Variants in USP6 observed in about 807,000 individuals in gnomAD.
USP6 encodes ubiquitin specific peptidase 6.
A neutral mutation model predicts 175.7 loss-of-function variants in USP6; 128 were observed. The ratio of observed to expected loss-of-function variants is 0.73; its 90% CI spans 0.63 to 0.84. The LOEUF (loss-of-function observed/expected upper bound fraction) is 0.84, where lower values mean the gene tolerates loss of function less well. Among genes scored for constraint, USP6 ranks in the 40% least tolerant of loss-of-function variants. USP6 has a pLI of 0.00. For synonymous variants in USP6, 562 were observed against 630.6 expected (o/e 0.89, Z 1.63); for missense variants, 1,498 against 1,760.3 (o/e 0.85, Z 2.67).
At chr17:5,150,226 A>C (rs1189097283) in intron 30 of USP6, among the ~76,000 whole-genome samples, 1 of 151,802 alleles carries the variant, frequency 6.6e-6, no homozygotes, top group Non-Finnish European at 1.5e-5. Context: ...TGGGAGGTGG[A>C]GGTTGCTGTG....
Position 5,141,484 on chromosome 17 carries a change from AT to A in USP6, c.1559del (p.Ile520LysfsTer15). 5 of 1,600,532 alleles carry A rather than the reference AT, an allele frequency of 3.1e-6. No individual in the cohort carries two copies. Among genetic ancestry groups the A allele is most frequent in the Non-Finnish European group, 4.3e-6 (5 of 1,175,778 alleles). On this transcript the variant is annotated frameshift_variant, in exon 23 of 38. Coordinates refer to ENST00000574788, the MANE Select transcript of USP6 (RefSeq NM_001304284.2). LOFTEE classifies it high-confidence loss of function. ...GTCTTTTACAGCAAATAGTAGTAAAATAGATAGACAAAAGGGTAAGTCTCCA... is the reference window on the plus strand; with the variant it reads ...GTCTTTTACAGCAAATAGTAGTAAAAAGATAGACAAAAGGGTAAGTCTCCA... The part of the protein sequence containing the change: ...EMSFTANSSK[I>X]DRQKVPTEKG...
Position 5,173,585 on chromosome 17 carries a change from G to C in USP6, c.*607G>C, listed in dbSNP as rs918470730. ...TACGTTTGAGACACAACCAGTCATT[G>C]GTGGCAGGGGCATAGAGTGGTCAGT... On this transcript the variant is annotated 3_prime_UTR_variant, in exon 38 of 38. Transcript: ENST00000574788. 1.4e-5 allele frequency: 3 copies of C among 219,256 alleles called. No individual in the cohort carries two copies. The highest frequency in any genetic ancestry group is 2.8e-5 in the Non-Finnish European group (3 of 109,038). 13.6% of individuals were successfully genotyped at this position (219,256 alleles called of 1,614,324 possible).
At chr17:5,138,057 A>G (rs2073314394) in intron 20 of USP6, 64 bp from the exon 21 acceptor site, 1 of 1,612,514 alleles carries the variant, frequency 6.2e-7, no homozygotes. Flanking sequence ...TGAAGTGGCC[A>G]CAGGGTATGA....
intron 2 of USP6, among the ~76,000 whole-genome samples, chr17:5,119,447 C>A (rs1312011315): frequency 6.6e-6 from 1 of 152,194 alleles, no homozygotes; most frequent in Non-Finnish European, 1.5e-5. Flanking sequence ...TCTTCAGCCC[C>A]CACTAAAGTG....
At chr17:5,150,323 T>TAAATAAAC (rs2073732902) in intron 30 of USP6, among the ~76,000 whole-genome samples, 1 of 149,026 alleles carries the variant, frequency 6.7e-6, no homozygotes, top group Admixed American at 6.7e-5. Context: ...AATAAATAAA[T>TAAATAAAC]AAATAAATAA....
At chr17:5,139,159 C>A in intron 21 of USP6, 96 bp from the exon 22 acceptor site, 1 of 1,598,098 alleles carries the variant, frequency 6.3e-7, no homozygotes, top group East Asian at 2.2e-5. Context: ...CACACAGAGA[C>A]CCCAAGGACT....
intron 21 of USP6, 134 bp downstream of exon 21, chr17:5,138,407 T>C: frequency 6.6e-7 from 1 of 1,504,260 alleles, no homozygotes; most frequent in Non-Finnish European, 8.9e-7. Context: ...TCCTGGACTC[T>C]AAGAAAGTAC....
chr17:5,170,112 T>C (rs2074180992), intron 35 of USP6, among the ~76,000 whole-genome samples: 2 of 151,588 alleles, frequency 1.3e-5, no homozygotes, highest in African/African-American at 4.9e-5. Context: ...ACTCAGTAAA[T>C]GGTGGTCACA....
Position 5,118,248 on chromosome 17 carries a change from T to G in USP6, c.-1879T>G, listed in dbSNP as rs531711946. The G allele has an allele frequency of 9.2e-5, 14 of 152,648 alleles. No individual in the cohort carries two copies. Among genetic ancestry groups the G allele is most frequent in the African/African-American group, 3.4e-4 (14 of 41,586 alleles). The allele number at this position is 152,648 out of a possible 1,614,324, so 9.5% of individuals were successfully genotyped here. A position where few individuals can be genotyped will look rare whatever the true frequency, so the allele number is the denominator to read the frequency against. The stretch of plus-strand genomic sequence containing the variant: ...TGGGACTCAAGACAGGGGTGCCCTG[T>G]TTACTCAGCCCACTGTGCTCAACCT... On this transcript the variant is annotated 5_prime_UTR_variant, in exon 2 of 38. Transcript: ENST00000574788.
intron 33 of USP6, among the ~76,000 whole-genome samples, chr17:5,167,330 G>A (rs150038061): frequency 1.3e-3 from 196 of 152,298 alleles, no homozygotes; most frequent in African/African-American, 4.5e-3. Context: ...ACCCCTTATA[G>A]GATTCCAAAG....
rs149140799 is a variant in USP6 at position 5,141,448 on chromosome 17, C to T, written c.1522C>T (p.Pro508Ser). ...GEVHNKDMSW[P>S]EEMSFTANSS... ...AGTTCACAACAAAGATATGAGTTGGCCTGAGGAGATGTCTTTTACAGCAAA... is the reference window on the plus strand; with the variant it reads ...AGTTCACAACAAAGATATGAGTTGGTCTGAGGAGATGTCTTTTACAGCAAA... Residue 508 changes from proline (P) to serine (S), a missense_variant, in exon 23 of 38, where the codon CCT becomes TCT. Physicochemically the swap from Pro to Ser is moderately conservative, Grantham distance 74. Around this residue, in one of 2 missense-constraint regions of USP6, gnomAD observed 1,217 missense variants for 1,500.8 expected, o/e 0.81. Transcript: ENST00000574788. The T allele has an allele frequency of 3.1e-6, 5 of 1,608,800 alleles. No individual in the cohort carries two copies. Among genetic ancestry groups the T allele is most frequent in the Admixed American group, 1.7e-5 (1 of 59,330 alleles).
intron 33 of USP6, among the ~76,000 whole-genome samples, chr17:5,164,251 C>A (rs1310759175): frequency 6.6e-6 from 1 of 152,178 alleles, no homozygotes; most frequent in South Asian, 2.1e-4. Context: ...CAATTCTAGA[C>A]CTAGTTTCCT....
intron 33 of USP6, among the ~76,000 whole-genome samples, chr17:5,163,853 G>T (rs184728666): frequency 6.6e-6 from 1 of 152,014 alleles, no homozygotes; most frequent in African/African-American, 2.4e-5. Context: ...TTCCATTTTG[G>T]GTACCTAAGA....
chr17:5,172,062 C>T (rs990123958), intron 37 of USP6, among the ~76,000 whole-genome samples: 37 of 151,994 alleles, frequency 2.4e-4, no homozygotes, highest in African/African-American at 8.9e-4. Context: ...GTAATCCCAG[C>T]TACTCGGGAG....
intron 26 of USP6, 22 bp downstream of exon 26, chr17:5,144,885 A>G (rs1332410530): frequency 1.9e-6 from 3 of 1,576,666 alleles, no homozygotes; most frequent in East Asian, 4.5e-5. Context: ...TTGAGTTTCT[A>G]ATGTAAGCAA....
At chr17:5,146,234 A>G in intron 28 of USP6, 60 bp downstream of exon 28, 2 of 1,516,598 alleles carry the variant, frequency 1.3e-6, no homozygotes, top group Non-Finnish European at 8.9e-7. Flanking sequence ...CATTTTTCTC[A>G]ATTATGATGA....
In USP6 at chr17:5,174,821, A is replaced by T. The variant is rs1184650159; in HGVS notation, c.*1843A>T. On this transcript the variant is annotated 3_prime_UTR_variant, in exon 38 of 38. Transcript: ENST00000574788. ...GTAAATTACTGTATAAAACTTGTTG[A>T]CAATGCACTGACTTTAGAAAGATGT... The T allele has an allele frequency of 5.1e-6, 1 of 194,916 alleles. No homozygotes were observed. The highest frequency in any genetic ancestry group is 1.1e-5 in the Non-Finnish European group (1 of 93,396). The allele number at this position is 194,916 out of a possible 1,614,324, so 12.1% of individuals were successfully genotyped here.
At chr17:5,158,320 A>T (rs2073929074) in intron 31 of USP6, among the ~76,000 whole-genome samples, 1 of 152,160 alleles carries the variant, frequency 6.6e-6, no homozygotes, top group Non-Finnish European at 1.5e-5. Context: ...TAGTCCCAGC[A>T]CTTCAGGAGG....
rs558181969 is a variant in USP6, at chr17:5,174,866, G to A, written c.*1888G>A. 8 of 191,238 alleles carry A rather than the reference G, an allele frequency of 4.2e-5. No homozygotes were observed. The highest frequency in any genetic ancestry group is 1.9e-4 in the African/African-American group (8 of 43,030). 11.8% of individuals were successfully genotyped at this position (191,238 alleles called of 1,614,324 possible). A position where few individuals can be genotyped will look rare whatever the true frequency, so the allele number is the denominator to read the frequency against. On this transcript the variant is annotated 3_prime_UTR_variant, in exon 38 of 38. Coordinates refer to ENST00000574788, the MANE Select transcript of USP6 (RefSeq NM_001304284.2). ...AGATGTTAATGTACATAAATAGAGT[G>A]TAAATAAAATAGTGTTGATGTACTG...
Sources: gnomAD v4.1 joint callset for allele counts (sites outside exome capture counted in the v4.1 genomes callset) on GRCh38, gnomAD v4.1.1 for gene constraint, gnomAD v4.1.1 regional missense constraint, MANE v1.5 for transcripts, NCBI Gene and HGNC (gene_info 2026-07-23, HGNC 2026-07-21) for gene names.